LHFPL3: variants seen among roughly 807,000 people sequenced by gnomAD.
LHFPL3 encodes LHFPL tetraspan subfamily member 3, also known as LHFPL tetraspan subfamily member 3 protein.
In LHFPL3, 5 loss-of-function variants were observed where a neutral mutation model predicts 19.3. That is an observed-to-expected ratio of 0.26 (90% CI 0.14 to 0.54). LHFPL3 has a LOEUF of 0.54. LHFPL3 is among the 20% of genes least tolerant of loss of function. The pLI, the probability that LHFPL3 is intolerant of heterozygous loss-of-function variation, is 0.94. For missense variants in LHFPL3, 249 were observed against 307.4 expected (o/e 0.81, Z 1.42); for synonymous variants, 133 against 126.2 (o/e 1.05, Z -0.36).
At chr7:104,527,340 C>T (rs941240246) in intron 1 of LHFPL3, among the ~76,000 whole-genome samples, 6 of 151,938 alleles carry the variant, frequency 3.9e-5, no homozygotes, top group African/African-American at 9.7e-5. Flanking sequence ...TTTCTTTGTG[C>T]GGCAGGGATG....
At chr7:104,846,302 G>A (rs1365840668) in intron 2 of LHFPL3, among the ~76,000 whole-genome samples, 1 of 152,202 alleles carries the variant, frequency 6.6e-6, no homozygotes, top group African/African-American at 2.4e-5. Flanking sequence ...GTGATTGCAG[G>A]GTTGGAACTG....
At chr7:104,502,982 A>G (rs554645376) in intron 1 of LHFPL3, among the ~76,000 whole-genome samples, 51 of 152,340 alleles carry the variant, frequency 3.3e-4, no homozygotes, top group Non-Finnish European at 6.0e-4. Context: ...TAATTAAAAA[A>G]TAATAACGCC....
chr7:104,351,646 A>AT (rs1010316643), intron 1 of LHFPL3, among the ~76,000 whole-genome samples: 1 of 152,164 alleles, frequency 6.6e-6, no homozygotes, highest in Non-Finnish European at 1.5e-5. Flanking sequence ...TATAAGTTTC[A>AT]TTTTTTATTG....
intron 2 of LHFPL3, among the ~76,000 whole-genome samples, chr7:104,864,233 G>T (rs1296606929): frequency 1.3e-5 from 2 of 152,194 alleles, no homozygotes; most frequent in African/African-American, 4.8e-5. Flanking sequence ...GAGGTACTGG[G>T]TTCATCTCAC....
chr7:104,479,080 G>A (rs757363576), intron 1 of LHFPL3, among the ~76,000 whole-genome samples: 3 of 152,156 alleles, frequency 2.0e-5, no homozygotes, highest in Non-Finnish European at 2.9e-5. Context: ...AGGCTGGGGT[G>A]GCTGTTATCT....
intron 1 of LHFPL3, among the ~76,000 whole-genome samples, chr7:104,373,783 A>G (rs1418856222): frequency 6.6e-6 from 1 of 152,134 alleles, no homozygotes; most frequent in Non-Finnish European, 1.5e-5. Flanking sequence ...AAGAAGCTAG[A>G]CTTTTAATTA....
intron 1 of LHFPL3, among the ~76,000 whole-genome samples, chr7:104,356,257 C>G (rs772647333): frequency 2.6e-5 from 4 of 152,168 alleles, no homozygotes; most frequent in South Asian, 2.1e-4. Flanking sequence ...GATAAAAGAA[C>G]CTCCTTTCTT....
intron 1 of LHFPL3, among the ~76,000 whole-genome samples, chr7:104,431,802 T>G (rs1792008076): frequency 6.6e-6 from 1 of 152,226 alleles, no homozygotes; most frequent in Non-Finnish European, 1.5e-5. Context: ...GATTTTTGTC[T>G]CTTTGGAGAT....
chr7:104,336,113 T>C (rs1015409723), intron 1 of LHFPL3, among the ~76,000 whole-genome samples: 2 of 152,198 alleles, frequency 1.3e-5, no homozygotes, highest in African/African-American at 4.8e-5. Context: ...CTTTAATTAA[T>C]GTGAATTTTC....
intron 1 of LHFPL3, among the ~76,000 whole-genome samples, chr7:104,704,730 G>A (rs1029061238): frequency 6.6e-6 from 1 of 151,912 alleles, no homozygotes; most frequent in African/African-American, 2.4e-5. Context: ...CGGCCTCCTG[G>A]GCTCAAGCAA....
chr7:104,485,403 T>G (rs1471822073), intron 1 of LHFPL3, among the ~76,000 whole-genome samples: 1 of 152,152 alleles, frequency 6.6e-6, no homozygotes, highest in Non-Finnish European at 1.5e-5. Flanking sequence ...TTTAAAGTGC[T>G]CTCAGAGTCT....
chr7:104,447,848 A>C (rs749039635), intron 1 of LHFPL3, among the ~76,000 whole-genome samples: 19 of 152,138 alleles, frequency 1.2e-4, no homozygotes, highest in Non-Finnish European at 2.4e-4. Context: ...GTCCATTTAA[A>C]TAAATGGAAA....
intron 2 of LHFPL3, among the ~76,000 whole-genome samples, chr7:104,849,223 G>A (rs1411116607): frequency 3.3e-5 from 5 of 152,194 alleles, no homozygotes; most frequent in African/African-American, 1.2e-4. Flanking sequence ...GAGCCACTGT[G>A]CCCAGCCAAC....
rs374470906 is a variant in LHFPL3, at chr7:104,608,443, C to T, written c.446-128232C>T. The stretch of plus-strand genomic sequence containing the variant: ...TTCTCACTCATAGGTGGGAATTGAA[C>T]AACGAGAACACATGGACACAGGAAG... On this transcript the variant is annotated intron_variant, in intron 1 of 2. Transcript: ENST00000424859. Among the ~76,000 whole-genome samples, 14 of 135,258 alleles carry T rather than the reference C, an allele frequency of 1.0e-4. No homozygotes were observed. In the South Asian group the frequency reaches 3.2e-3, roughly 31 times the overall value. The allele number at this position is 135,258 out of a possible 152,430, so 88.7% of individuals were successfully genotyped here. A position where few individuals can be genotyped will look rare whatever the true frequency, so the allele number is the denominator to read the frequency against.
Position 104,399,875 on chromosome 7 carries a change from G to A in LHFPL3, c.445+70651G>A, listed in dbSNP as rs1791276581. ...GACTCTGTAAGATCAGGGAGCCGAG[G>A]CAGGTGGATCACGTGAGGTCGAGTT... On this transcript the variant is annotated intron_variant, in intron 1 of 2. Transcript: ENST00000424859. This position sits in a 1 kb window ranked among gnomAD's most constrained non-coding sequence, Gnocchi z 4.4. 1.3e-5 allele frequency among the ~76,000 whole-genome samples: 2 copies of A among 151,184 alleles called. No homozygotes were observed. The highest frequency in any genetic ancestry group is 2.9e-5 in the Non-Finnish European group (2 of 67,800).
At chr7:104,500,884 T>G (rs1793587044) in intron 1 of LHFPL3, among the ~76,000 whole-genome samples, 1 of 152,190 alleles carries the variant, frequency 6.6e-6, no homozygotes, top group African/African-American at 2.4e-5. Context: ...GCCTTTCAAA[T>G]GCCTTCTCAT....
chr7:104,575,680 C>T (rs558295932), intron 1 of LHFPL3, among the ~76,000 whole-genome samples: 1 of 151,460 alleles, frequency 6.6e-6, no homozygotes, highest in East Asian at 1.9e-4. Context: ...GGGTCTCACT[C>T]TGTCACCCAG....
intron 1 of LHFPL3, among the ~76,000 whole-genome samples, chr7:104,444,076 C>G (rs1792279857): frequency 6.6e-6 from 1 of 152,208 alleles, no homozygotes; most frequent in Non-Finnish European, 1.5e-5. Flanking sequence ...ATTCCACATG[C>G]AGTTAAATAC....
chr7:104,773,055 G>T (rs1397903356), intron 2 of LHFPL3, among the ~76,000 whole-genome samples: 1 of 152,194 alleles, frequency 6.6e-6, no homozygotes, highest in Non-Finnish European at 1.5e-5. Flanking sequence ...TCCCTGGTGG[G>T]CTTTCCCCTG....
Sources: gnomAD v4.1 joint callset for allele counts (sites outside exome capture counted in the v4.1 genomes callset) on GRCh38, gnomAD v4.1.1 for gene constraint, Gnocchi (gnomAD v3.1) non-coding constraint, MANE v1.5 for transcripts, NCBI Gene and HGNC (gene_info 2026-07-23, HGNC 2026-07-21) for gene names.